Variants in NRXN3 observed in about 807,000 individuals in gnomAD.
The protein encoded by NRXN3 is neurexin III.
Under a neutral mutation model 137.6 loss-of-function variants are expected in NRXN3, and 32 were observed. The ratio of observed to expected loss-of-function variants is 0.23; its 90% CI spans 0.18 to 0.31. The LOEUF is 0.31. Among genes scored for constraint, NRXN3 ranks in the 10% least tolerant of loss-of-function variants. NRXN3 has a pLI of 1.00. For synonymous variants in NRXN3, 798 were observed against 784.5 expected, an observed-to-expected ratio of 1.02 and a Z score of -0.29; for missense variants, 1,574 against 2,062.5, an observed-to-expected ratio of 0.76 and a Z score of 4.59.
chr14:78,536,269 C>T (rs1024255292), intron 4 of NRXN3, among the ~76,000 whole-genome samples: 2 of 152,210 alleles, frequency 1.3e-5, no homozygotes, highest in Admixed American at 1.3e-4. Context: ...TTTCTACTGG[C>T]TCCTAGACCT....
At chr14:79,590,099 A>G (rs1345910332) in intron 16 of NRXN3, among the ~76,000 whole-genome samples, 1 of 152,136 alleles carries the variant, frequency 6.6e-6, no homozygotes, top group Non-Finnish European at 1.5e-5. Context: ...CAGTGGTGGA[A>G]TGATACAGTT....
At chr14:78,704,450 A>G (rs374488071) in intron 6 of NRXN3, among the ~76,000 whole-genome samples, 14 of 152,312 alleles carry the variant, frequency 9.2e-5, no homozygotes, top group East Asian at 3.9e-4. Context: ...CAGAAGCAAT[A>G]ACACCTGGGT....
At chr14:79,489,182 G>T (rs1033363427) in intron 16 of NRXN3, among the ~76,000 whole-genome samples, 1 of 152,036 alleles carries the variant, frequency 6.6e-6, no homozygotes, top group African/African-American at 2.4e-5. Context: ...AGTTGTGTTG[G>T]CCTATCTGCT....
Position 78,300,603 on chromosome 14 carries a change from C to T in NRXN3, c.757+2743C>T. On this transcript the variant is annotated intron_variant, in intron 4 of 20. Transcript: ENST00000335750. Reference sequence around the variant, plus strand: ...GTGCTGATGTTTGACTCTCCTTGCTCTCTCTCTGTCTCTCTCTGGCCGCCT... The same window carrying T: ...GTGCTGATGTTTGACTCTCCTTGCTTTCTCTCTGTCTCTCTCTGGCCGCCT... The T allele has an allele frequency of 1.9e-6, 2 of 1,068,626 alleles. 1 individual carries two copies. Among genetic ancestry groups the T allele is most frequent in the South Asian group, 2.7e-5 (2 of 72,878 alleles). The allele number at this position is 1,068,626 out of a possible 1,614,324, so 66.2% of individuals were successfully genotyped here.
chr14:78,265,700 C>A (rs2071576315), intron 2 of NRXN3, among the ~76,000 whole-genome samples: 3 of 152,182 alleles, frequency 2.0e-5, no homozygotes, highest in Non-Finnish European at 4.4e-5. Context: ...GTGGGAAAAG[C>A]AATGACCTGG....
At chr14:78,823,268 C>A (rs1168017560) in intron 10 of NRXN3, among the ~76,000 whole-genome samples, 2 of 152,098 alleles carry the variant, frequency 1.3e-5, no homozygotes, top group African/African-American at 4.8e-5. Context: ...TATTTCCTTC[C>A]ATTGTACTCT....
intron 15 of NRXN3, among the ~76,000 whole-genome samples, chr14:79,011,429 G>GA (rs759463585): frequency 0.014 from 573 of 41,286 alleles, 11 homozygotes; most frequent in African/African-American, 0.034. Flanking sequence ...GTTGGTCCAG[G>GA]AAAAAAAAAA....
chr14:79,435,625 CACACAT>C (rs1166229753), intron 15 of NRXN3, among the ~76,000 whole-genome samples: 1 of 150,680 alleles, frequency 6.6e-6, no homozygotes, highest in African/African-American at 2.5e-5. Context: ...CACACACACA[CACACAT>C]ACATTCTTTG....
chr14:79,085,424 G>A (rs976894578), intron 15 of NRXN3, among the ~76,000 whole-genome samples: 1 of 152,104 alleles, frequency 6.6e-6, no homozygotes, highest in Non-Finnish European at 1.5e-5. Flanking sequence ...TTCTGGTGAT[G>A]TCATAATAAA....
chr14:79,303,282 A>G (rs1216634367), intron 15 of NRXN3, among the ~76,000 whole-genome samples: 1 of 152,084 alleles, frequency 6.6e-6, no homozygotes, highest in Non-Finnish European at 1.5e-5. Context: ...AATACCAGCT[A>G]CTTGATCTAA....
chr14:79,733,123 G>A (rs565388536), intron 19 of NRXN3, among the ~76,000 whole-genome samples: 2 of 152,214 alleles, frequency 1.3e-5, no homozygotes, highest in East Asian at 3.9e-4. Context: ...AACAGCAGCA[G>A]CAAAAACTGG....
chr14:79,431,895 A>G (rs1235760350), intron 15 of NRXN3, among the ~76,000 whole-genome samples: 1 of 152,134 alleles, frequency 6.6e-6, no homozygotes, highest in Non-Finnish European at 1.5e-5. Flanking sequence ...CTCTTCAGTG[A>G]TCTAGTCACA....
chr14:79,470,669 T>C (rs1053716944), intron 16 of NRXN3, among the ~76,000 whole-genome samples: 1 of 152,190 alleles, frequency 6.6e-6, no homozygotes, highest in African/African-American at 2.4e-5. Context: ...AGGACAGGGC[T>C]CTGCCTACCG....
At chr14:79,768,179 A>G (rs910948207) in intron 19 of NRXN3, among the ~76,000 whole-genome samples, 1 of 152,334 alleles carries the variant, frequency 6.6e-6, no homozygotes. Flanking sequence ...ACTGCAAGGC[A>G]GCAGCCAGAC....
At chr14:78,608,282 G>A (rs1397841653) in intron 4 of NRXN3, among the ~76,000 whole-genome samples, 1 of 152,086 alleles carries the variant, frequency 6.6e-6, no homozygotes, top group East Asian at 1.9e-4. Context: ...ATGCTTGGAT[G>A]GAGAATAAGA....
In NRXN3 at chr14:79,376,022, G is replaced by T. The variant is rs540845194; in HGVS notation, c.3263-91199G>T. Reference sequence around the variant, plus strand: ...AATGTATATAATAATATACATATATGTATATATACTTATATATAAGTGTAT... The same window carrying T: ...AATGTATATAATAATATACATATATTTATATATACTTATATATAAGTGTAT... On this transcript the variant is annotated intron_variant, in intron 15 of 20. Transcript: ENST00000335750. Among the ~76,000 whole-genome samples the T allele has an allele frequency of 5.5e-5, 8 of 145,846 alleles. No individual in the cohort carries two copies. In the South Asian group the frequency reaches 1.1e-3, roughly 20 times the overall value.
At chr14:78,433,240 G>A (rs1392656785) in intron 4 of NRXN3, among the ~76,000 whole-genome samples, 1 of 152,086 alleles carries the variant, frequency 6.6e-6, no homozygotes, top group East Asian at 1.9e-4. Flanking sequence ...GGGTCTCTTG[G>A]ATTCCTTGTC....
At chr14:79,575,494 A>G (rs1412992699) in intron 16 of NRXN3, among the ~76,000 whole-genome samples, 1 of 152,212 alleles carries the variant, frequency 6.6e-6, no homozygotes. Flanking sequence ...CCTGGGTTTC[A>G]GTTTTTAACA....
At chr14:79,075,901 A>G (rs17108613) in intron 15 of NRXN3, among the ~76,000 whole-genome samples, 1,796 of 152,304 alleles carry the variant, frequency 0.012, 30 homozygotes, top group African/African-American at 0.041. Flanking sequence ...ATCAGATGCC[A>G]TTGGCCGTTT....
Sources: allele counts gnomAD v4.1 joint callset (sites outside exome capture counted in the v4.1 genomes callset), GRCh38; gene constraint gnomAD v4.1.1; transcripts MANE v1.5; gene names NCBI Gene and HGNC (gene_info 2026-07-23, HGNC 2026-07-21).